Variants in MKLN1 observed in about 807,000 individuals in gnomAD.
The protein encoded by MKLN1 is muskelin.
Under a neutral mutation model 99.0 loss-of-function variants are expected in MKLN1, and 18 were observed. The ratio of observed to expected loss-of-function variants is 0.18; its 90% CI spans 0.13 to 0.27. The LOEUF (loss-of-function observed/expected upper bound fraction) is 0.27. Ranked by LOEUF, MKLN1 falls within the 10% of genes least tolerant of loss-of-function variation. The pLI, the probability that MKLN1 is intolerant of heterozygous loss-of-function variation, is 1.00. For missense variants in MKLN1, 621 were observed against 875.9 expected (o/e 0.71, Z 3.67); for synonymous variants, 288 against 293.2 (o/e 0.98, Z 0.18).
chr7:131,268,699 G>A (rs1797843903), intron 3 of MKLN1, among the ~76,000 whole-genome samples: 1 of 152,130 alleles, frequency 6.6e-6, no homozygotes, highest in Admixed American at 6.6e-5. Context: ...TCAGTCAATG[G>A]CCCTACATGT....
At chr7:131,288,293 A>G (rs1798163423) in intron 3 of MKLN1, among the ~76,000 whole-genome samples, 1 of 152,136 alleles carries the variant, frequency 6.6e-6, no homozygotes. Flanking sequence ...GGCATTAGGT[A>G]TGCCCCTTCA....
In MKLN1 at chr7:131,385,731, G is replaced by T. The variant is rs114444963; in HGVS notation, c.169-1389G>T. Among the ~76,000 whole-genome samples the T allele has an allele frequency of 3.2e-3, 492 of 152,034 alleles. 3 individuals carry two copies. Among genetic ancestry groups the T allele is most frequent in the African/African-American group, 0.011 (454 of 41,482 alleles). ...AAATTGGGTTGTTTGTCTTTTTGTT[G>T]TTAAATTGTAGGGGCATTTTTAATA... On this transcript the variant is annotated intron_variant, in intron 2 of 17. Coordinates refer to ENST00000352689, the MANE Select transcript of MKLN1 (RefSeq NM_013255.5).
At chr7:131,424,411 G>C (rs1795298006) in intron 8 of MKLN1, among the ~76,000 whole-genome samples, 1 of 152,022 alleles carries the variant, frequency 6.6e-6, no homozygotes, top group Non-Finnish European at 1.5e-5. Flanking sequence ...AATTACAAAA[G>C]TAGTGTGCCA....
intron 1 of MKLN1, among the ~76,000 whole-genome samples, chr7:131,331,507 G>T (rs1482663938): frequency 6.6e-6 from 1 of 152,182 alleles, no homozygotes; most frequent in African/African-American, 2.4e-5. Context: ...AAGAGGGGCA[G>T]GGCAGGGTGG....
At chr7:131,286,277 C>A (rs752318022) in intron 3 of MKLN1, among the ~76,000 whole-genome samples, 1 of 152,122 alleles carries the variant, frequency 6.6e-6, no homozygotes, top group African/African-American at 2.4e-5. Context: ...CATAGTAGTT[C>A]TTTGATAAAT....
intron 8 of MKLN1, among the ~76,000 whole-genome samples, chr7:131,421,131 T>G (rs1467622641): frequency 6.6e-6 from 1 of 152,232 alleles, no homozygotes; most frequent in Non-Finnish European, 1.5e-5. Flanking sequence ...TTGCATTTGT[T>G]AAAGTAAAAT....
chr7:131,287,602 C>T (rs1023704732), intron 3 of MKLN1, among the ~76,000 whole-genome samples: 2 of 152,048 alleles, frequency 1.3e-5, no homozygotes, highest in African/African-American at 4.8e-5. Flanking sequence ...CATATTTTGC[C>T]ATGTAATGTA....
chr7:131,351,334 C>A (rs1348210098), intron 1 of MKLN1, among the ~76,000 whole-genome samples: 1 of 152,156 alleles, frequency 6.6e-6, no homozygotes, highest in East Asian at 1.9e-4. Context: ...GAAATCAGGT[C>A]ATTTGTCCTG....
chr7:131,156,447 C>CAAAAAAAAAA (rs143988738), intron 2 of MKLN1, among the ~76,000 whole-genome samples: 1 of 74,666 alleles, frequency 1.3e-5, no homozygotes, highest in Non-Finnish European at 2.4e-5. Context: ...GACTCTGTCT[C>CAAAAAAAAAA]AAAAAAAAAA....
At chr7:131,336,342 GT>G (rs1275705754) in intron 1 of MKLN1, among the ~76,000 whole-genome samples, 1 of 151,794 alleles carries the variant, frequency 6.6e-6, no homozygotes, top group Non-Finnish European at 1.5e-5. Flanking sequence ...TATATTTGGG[GT>G]CTGTTTCTTG....
At chr7:131,356,809 A>G (rs918668975) in intron 1 of MKLN1, among the ~76,000 whole-genome samples, 9 of 152,170 alleles carry the variant, frequency 5.9e-5, no homozygotes, top group African/African-American at 2.2e-4. Context: ...CAGATACCCA[A>G]GTTACCCCGA....
intron 1 of MKLN1, among the ~76,000 whole-genome samples, chr7:131,357,622 AC>A (rs1799920521): frequency 6.6e-6 from 1 of 152,148 alleles, no homozygotes; most frequent in Non-Finnish European, 1.5e-5. Flanking sequence ...ATCCAGTACT[AC>A]TTTATTTATT....
intron 3 of MKLN1, among the ~76,000 whole-genome samples, chr7:131,296,391 G>T (rs1027638176): frequency 9.2e-5 from 14 of 152,150 alleles, no homozygotes; most frequent in Non-Finnish European, 1.3e-4. Flanking sequence ...TTTGCTCTGT[G>T]TAAAAATGGA....
intron 7 of MKLN1, 60 bp downstream of exon 7, chr7:131,411,443 C>G: frequency 8.6e-7 from 1 of 1,164,598 alleles, no homozygotes; most frequent in Non-Finnish European, 1.3e-6. Flanking sequence ...TTCAGTTTTC[C>G]CAAGGTAGTT....
intron 2 of MKLN1, among the ~76,000 whole-genome samples, chr7:131,157,044 C>G (rs1252639227): frequency 6.6e-6 from 1 of 152,030 alleles, no homozygotes; most frequent in Non-Finnish European, 1.5e-5. Context: ...TTGTCTAACT[C>G]CCCCCAGCTG....
At chr7:131,140,732 G>C (rs1487862827) in intron 1 of MKLN1, among the ~76,000 whole-genome samples, 1 of 151,900 alleles carries the variant, frequency 6.6e-6, no homozygotes, top group African/African-American at 2.4e-5. Flanking sequence ...CCCAGCTTCA[G>C]GCATTCCTTT....
Position 131,174,251 on chromosome 7 carries a change from C to T in MKLN1, c.-296-28606C>T, listed in dbSNP as rs182907937. ...CCTCCCAAAGTGCTGGGATTACAGG[C>T]GTGAGCCACCGCGCCCCACCCTTTA... On this transcript the variant is annotated intron_variant, in intron 2 of 7. Transcript: ENST00000416992. Among the ~76,000 whole-genome samples, 13 of 152,246 alleles carry T rather than the reference C, an allele frequency of 8.5e-5. No individual in the cohort carries two copies. In the East Asian group the frequency reaches 2.1e-3, roughly 25 times the overall value.
At position 131,487,802 on chromosome 7, in the gene MKLN1, T is replaced by TGACA. The variant is rs1354145716; in HGVS notation, c.*76_*79dup. ...TCTTTTGGATTGCAGCTCCACTGAC[T>TGACA]GACAGTAAAGCTGCAGTGATTGAGG... On this transcript the variant is annotated 3_prime_UTR_variant, in exon 18 of 18. Transcript: ENST00000352689. The surrounding 1 kb of genome is among the most constrained non-coding windows in gnomAD (Gnocchi z 4.7). 65 of 1,536,226 alleles carry TGACA rather than the reference T, an allele frequency of 4.2e-5. 1 individual carries two copies. The highest frequency in any genetic ancestry group is 2.1e-4 in the Admixed American group (12 of 56,142).
chr7:131,257,492 T>C (rs941443172), intron 3 of MKLN1, among the ~76,000 whole-genome samples: 1 of 152,248 alleles, frequency 6.6e-6, no homozygotes, highest in Non-Finnish European at 1.5e-5. Context: ...TCTGGTAAGC[T>C]GGCCTAGACC....
Sources: allele counts gnomAD v4.1 joint callset (sites outside exome capture counted in the v4.1 genomes callset), GRCh38; gene constraint gnomAD v4.1.1; non-coding constraint Gnocchi (gnomAD v3.1); transcripts MANE v1.5; gene names NCBI Gene and HGNC (gene_info 2026-07-23, HGNC 2026-07-21).